The following PHF12 variants were observed in gnomAD, a reference collection of about 807,000 sequenced individuals.
PHF12 encodes the protein PHD factor 1.
In PHF12, 6 loss-of-function variants were observed where a neutral mutation model predicts 99.8. The observed-to-expected ratio is 0.06, with a 90% confidence interval of 0.03 to 0.12. The LOEUF (loss-of-function observed/expected upper bound fraction) is 0.12, where lower values mean the gene tolerates loss of function less well. Ranked by LOEUF, PHF12 falls within the 10% of genes least tolerant of loss-of-function variation. The pLI is 1.00. For synonymous variants in PHF12, 480 were observed against 514.9 expected, an observed-to-expected ratio of 0.93 and a Z score of 0.92; for missense variants, 954 against 1,300.1, an observed-to-expected ratio of 0.73 and a Z score of 4.09.
chr17:28,914,702 A>AAAAAAAAAAAC, intron 7 of PHF12, among the ~76,000 whole-genome samples: 1 of 149,364 alleles, frequency 6.7e-6, no homozygotes, highest in African/African-American at 2.5e-5. Flanking sequence ...AAAAAAAAAA[A>AAAAAAAAAAAC]TGCTTGACAT....
intron 4 of PHF12, among the ~76,000 whole-genome samples, 197 bp from the exon 5 acceptor site, chr17:28,922,005 A>C (rs140361264): frequency 9.2e-5 from 14 of 152,344 alleles, no homozygotes; most frequent in East Asian, 5.8e-4. Context: ...AGAGACTAAT[A>C]CGTAAGTCAG....
chr17:28,932,072 C>T (rs1324307331), intron 2 of PHF12, among the ~76,000 whole-genome samples: 1 of 152,180 alleles, frequency 6.6e-6, no homozygotes, highest in Non-Finnish European at 1.5e-5. Flanking sequence ...GACCATGTTT[C>T]CTCTCTGCTT....
intron 10 of PHF12, 95 bp from the exon 11 acceptor site, chr17:28,910,464 A>G: frequency 7.1e-7 from 1 of 1,411,296 alleles, no homozygotes; most frequent in Non-Finnish European, 9.6e-7. Context: ...TGGCATTTCT[A>G]AAATCCAGCC....
At chr17:28,928,932 CTAA>C (rs1402526820) in intron 2 of PHF12, among the ~76,000 whole-genome samples, 1 of 151,762 alleles carries the variant, frequency 6.6e-6, no homozygotes, top group African/African-American at 2.4e-5. Flanking sequence ...CCTGTCTCTA[CTAA>C]TAATACAAAA....
chr17:28,944,402 C>T (rs1314447510), intron 2 of PHF12: 2 of 783,890 alleles, frequency 2.6e-6, no homozygotes, highest in Non-Finnish European at 3.1e-6. Flanking sequence ...TCCTTTTCCA[C>T]TTTAAATATT....
At chr17:28,909,507 G>A (rs2152655779) in intron 11 of PHF12, 1 of 153,330 alleles carries the variant, frequency 6.5e-6, no homozygotes, top group African/African-American at 2.4e-5. Flanking sequence ...TTTCCAGAAG[G>A]TTGGCCTAGT....
intron 2 of PHF12, among the ~76,000 whole-genome samples, chr17:28,934,616 T>A (rs1242452114): frequency 1.3e-5 from 2 of 150,052 alleles, no homozygotes; most frequent in African/African-American, 4.9e-5. Context: ...TTCTATTTTT[T>A]TTTTTTTTTT....
chr17:28,921,180 G>A (rs935848007), intron 5 of PHF12, among the ~76,000 whole-genome samples: 8 of 149,924 alleles, frequency 5.3e-5, no homozygotes, highest in East Asian at 2.0e-4. Flanking sequence ...CACAGCGCCC[G>A]GCCCCTTGTT....
intron 4 of PHF12, 86 bp from the exon 5 acceptor site, chr17:28,921,894 CA>C: frequency 6.4e-7 from 1 of 1,567,606 alleles, no homozygotes; most frequent in Non-Finnish European, 8.7e-7. Flanking sequence ...GTGACAAAAA[CA>C]GATCTTAAGC....
At chr17:28,942,681 T>C (rs2040640715) in intron 2 of PHF12, among the ~76,000 whole-genome samples, 1 of 151,976 alleles carries the variant, frequency 6.6e-6, no homozygotes, top group Non-Finnish European at 1.5e-5. Context: ...CTGGGTGTGG[T>C]GGCAGGCGCC....
intron 2 of PHF12, among the ~76,000 whole-genome samples, chr17:28,932,059 C>G (rs2040422263): frequency 6.6e-6 from 1 of 152,196 alleles, no homozygotes; most frequent in Non-Finnish European, 1.5e-5. Context: ...AAAGCTTTCT[C>G]ATGACCATGT....
intron 2 of PHF12, among the ~76,000 whole-genome samples, chr17:28,934,432 G>T (rs906239897): frequency 6.6e-6 from 1 of 152,136 alleles, no homozygotes; most frequent in Admixed American, 6.5e-5. Flanking sequence ...GTTAAGGATC[G>T]TGAGGAGTTC....
At chr17:28,915,482 A>G (rs1387992688) in intron 7 of PHF12, among the ~76,000 whole-genome samples, 2 of 152,176 alleles carry the variant, frequency 1.3e-5, no homozygotes, top group African/African-American at 4.8e-5. Context: ...GAGTCTGGAT[A>G]TAAGGAGAAA....
Position 28,912,523 on chromosome 17 carries a change from G to A in PHF12, c.2048C>T (p.Thr683Ile), listed in dbSNP as rs1478948587. 1.2e-6 allele frequency: 2 copies of A among 1,609,578 alleles called. No homozygotes were observed. Among genetic ancestry groups the A allele is most frequent in the African/African-American group, 1.3e-5 (1 of 74,858 alleles). ...TGAGCTGAATCGTTGGTTGGCTGTT[G>A]TGGCCAAGATACCATCTCCTGCTGC... Reference protein sequence around the residue: ...PQAAGDGILATTANQRFSSPA... With the variant: ...PQAAGDGILAITANQRFSSPA... The change falls in exon 9 of 15, where the codon ACA (threonine) becomes ATA (isoleucine). Residue 683 changes from threonine (T) to isoleucine (I), a missense_variant. By Grantham distance (89) the Thr-to-Ile change is moderately conservative. Transcript: ENST00000332830.
chr17:28,928,482 T>C (rs990441133), intron 2 of PHF12, among the ~76,000 whole-genome samples: 2 of 152,222 alleles, frequency 1.3e-5, no homozygotes, highest in African/African-American at 4.8e-5. Flanking sequence ...TTACTTATTT[T>C]ATTAGAGGGA....
rs2152654998 is a variant in PHF12, at chr17:28,907,656, C to A, written c.2475G>T (p.Val825=). 6.2e-7 allele frequency: 1 copy of A among 1,613,826 alleles called. No homozygotes were observed. Among genetic ancestry groups the A allele is most frequent in the South Asian group, 1.1e-5 (1 of 91,076 alleles). The change falls in exon 13 of 15, where the codon GTG becomes GTT. Residue 825 remains valine (V), a synonymous_variant. Transcript: ENST00000332830. The part of the protein sequence containing the change: ...LYIGTGADMD[V]CLTNYGHCNY... The stretch of plus-strand genomic sequence containing the variant: ...TACAGTGACCATAGTTTGTAAGGCA[C>A]ACATCCATGTCAGCTCCTGCAAGGT...
At chr17:28,911,386 T>C in intron 9 of PHF12, 149 bp from the exon 10 acceptor site, 1 of 1,109,138 alleles carries the variant, frequency 9.0e-7, no homozygotes, top group Non-Finnish European at 1.3e-6. Flanking sequence ...CTCCTAGAGC[T>C]AAAAACGTGT....
At chr17:28,946,136 AAAC>A (rs2040718961) in intron 2 of PHF12, among the ~76,000 whole-genome samples, 1 of 152,136 alleles carries the variant, frequency 6.6e-6, no homozygotes, top group African/African-American at 2.4e-5. Context: ...CGTCTCAGAA[AAAC>A]AAAAACAAAA....
rs746431954 is a variant in PHF12 at position 28,912,514 on chromosome 17, T to G, written c.2057A>C (p.Asn686Thr). 6.2e-7 allele frequency: 1 copy of G among 1,606,878 alleles called. No homozygotes were observed. Among genetic ancestry groups the G allele is most frequent in the Admixed American group, 1.7e-5 (1 of 59,858 alleles). Residue 686 changes from asparagine to threonine, a missense_variant, in exon 9 of 15, where the codon AAC (asparagine) becomes ACC (threonine). Physicochemically the swap from Asn to Thr is moderately conservative, Grantham distance 65. Coordinates refer to ENST00000332830, the MANE Select transcript of PHF12 (RefSeq NM_001033561.2). ...TGGCGCTGGTGAGCTGAATCGTTGG[T>G]TGGCTGTTGTGGCCAAGATACCATC... Reference protein sequence around the residue: ...AGDGILATTANQRFSSPAPSS... With the variant: ...AGDGILATTATQRFSSPAPSS...
Sources: gnomAD v4.1 joint callset for allele counts (sites outside exome capture counted in the v4.1 genomes callset) on GRCh38, gnomAD v4.1.1 for gene constraint, MANE v1.5 for transcripts, NCBI Gene and HGNC (gene_info 2026-07-23, HGNC 2026-07-21) for gene names.